The following DHRS9 variants were observed in gnomAD, a reference collection of about 807,000 sequenced individuals.
DHRS9 encodes the protein dehydrogenase/reductase 9.
Under a neutral mutation model 26.6 loss-of-function variants are expected in DHRS9, and 18 were observed. The ratio of observed to expected loss-of-function variants is 0.68; its 90% confidence interval spans 0.47 to 1.00. The LOEUF is 1.00. DHRS9 is among the 50% of genes least tolerant of loss of function. The probability of loss-of-function intolerance (pLI) is 0.00; values close to 1 mark genes in which losing one functional copy is unlikely to be tolerated. For synonymous variants in DHRS9, 134 were observed against 141.1 expected, an observed-to-expected ratio of 0.95 and a Z score of 0.36; for missense variants, 425 against 378.7, an observed-to-expected ratio of 1.12 and a Z score of -1.01.
At chr2:169,071,648 C>T (rs1296178178) in intron 1 of DHRS9, among the ~76,000 whole-genome samples, 2 of 152,092 alleles carry the variant, frequency 1.3e-5, no homozygotes, top group Non-Finnish European at 2.9e-5. Context: ...GGATTACCTC[C>T]TGCCCTCAGG....
chr2:169,085,666 A>G (rs1684328147), intron 3 of DHRS9, among the ~76,000 whole-genome samples: 2 of 152,120 alleles, frequency 1.3e-5, no homozygotes, highest in Non-Finnish European at 2.9e-5. Flanking sequence ...TGTTGGCAAT[A>G]GAAATCTTTT....
At chr2:169,070,482 C>T in intron 1 of DHRS9, 1 of 985,400 alleles carries the variant, frequency 1.0e-6, no homozygotes, top group Non-Finnish European at 1.2e-6. Context: ...CACTGTTAGA[C>T]CAAGGGCACA....
In DHRS9 at chr2:169,081,811, T is replaced by G. The variant is rs771042484; in HGVS notation, c.230T>G (p.Leu77Arg). 1.2e-6 allele frequency: 2 copies of G among 1,614,110 alleles called. No individual in the cohort carries two copies. Among genetic ancestry groups the G allele is most frequent in the Non-Finnish European group, 1.7e-6 (2 of 1,180,014 alleles). Residue 77 changes from leucine (L) to arginine (R), a missense_variant, in exon 2 of 5, where the codon CTT becomes CGT. Physicochemically the swap from Leu to Arg is moderately radical, Grantham distance 102. Coordinates refer to ENST00000674881, the MANE Select transcript of DHRS9 (RefSeq NM_001376924.1). ...TALKAETSER[L>R]RTVLLDVTDP... ...TTAAAGGCAGAAACCTCAGAGAGACTTCGTACTGTGCTTCTGGATGTGACC... is the reference window on the plus strand; with the variant it reads ...TTAAAGGCAGAAACCTCAGAGAGACGTCGTACTGTGCTTCTGGATGTGACC...
intron 3 of DHRS9, among the ~76,000 whole-genome samples, chr2:169,083,849 A>G (rs997488179): frequency 7.2e-5 from 11 of 152,086 alleles, no homozygotes; most frequent in Non-Finnish European, 1.5e-4. Flanking sequence ...AAAAAATCCA[A>G]TTATACTCTT....
intron 4 of DHRS9, among the ~76,000 whole-genome samples, chr2:169,093,964 T>C (rs1380566797): frequency 6.6e-6 from 1 of 152,244 alleles, no homozygotes; most frequent in Non-Finnish European, 1.5e-5. Context: ...TAAAAGTATG[T>C]GAGAATCATA....
At chr2:169,086,031 C>T (rs1321057572) in intron 3 of DHRS9, among the ~76,000 whole-genome samples, 4 of 152,092 alleles carry the variant, frequency 2.6e-5, no homozygotes, top group Admixed American at 2.6e-4. Context: ...ATATTGGTGT[C>T]TTCCTCTAGG....
chr2:169,083,437 T>C lies in DHRS9; in HGVS notation c.422T>C (p.Leu141Pro), dbSNP rs537481272. 6.2e-7 allele frequency: 1 copy of C among 1,614,108 alleles called. No homozygotes were observed. Among genetic ancestry groups the C allele is most frequent in the African/African-American group, 1.3e-5 (1 of 75,008 alleles). Residue 141 changes from leucine (L) to proline (P), a missense_variant, in exon 3 of 5, where the codon CTC becomes CCC. Physicochemically the swap from Leu to Pro is moderately conservative, Grantham distance 98 (BLOSUM62 -3). Coordinates refer to ENST00000674881, the MANE Select transcript of DHRS9 (RefSeq NM_001376924.1). ...CCTATTGAAGTGAACCTGTTTGGAC[T>C]CATCAGTGTGACACTAAATATGCTT... ...REPIEVNLFG[L>P]ISVTLNMLPL... is the part of the protein sequence containing the mutation.
chr2:169,067,217 T>C (rs1049297732), upstream of DHRS9: 4 of 1,535,292 alleles, frequency 2.6e-6, no homozygotes, highest in African/African-American at 5.5e-5. Flanking sequence ...CTTACAAGAG[T>C]GACACTGGAT....
intron 1 of DHRS9, among the ~76,000 whole-genome samples, chr2:169,071,730 C>G (rs1683810223): frequency 6.6e-6 from 1 of 152,142 alleles, no homozygotes; most frequent in African/African-American, 2.4e-5. Context: ...AGGGAACTTA[C>G]CCTCCCACGA....
intron 1 of DHRS9, among the ~76,000 whole-genome samples, chr2:169,074,920 A>G (rs935413487): frequency 6.6e-6 from 1 of 152,196 alleles, no homozygotes; most frequent in African/African-American, 2.4e-5. Flanking sequence ...CATTCTTAAC[A>G]GCAAAATTTC....
chr2:169,068,532 G>A (rs1388293137), upstream of DHRS9, among the ~76,000 whole-genome samples: 1 of 152,084 alleles, frequency 6.6e-6, no homozygotes, highest in Non-Finnish European at 1.5e-5. Context: ...CACGATGTTG[G>A]CCAGGCTAGT....
chr2:169,093,096 G>C (rs1156735256), intron 4 of DHRS9, among the ~76,000 whole-genome samples: 1 of 152,152 alleles, frequency 6.6e-6, no homozygotes, highest in Non-Finnish European at 1.5e-5. Context: ...AAGTTTACTT[G>C]ATATTCCTCA....
chr2:169,070,433 A>C lies in DHRS9; in HGVS notation c.-60+716A>C, dbSNP rs1683764535. 6.1e-6 allele frequency: 6 copies of C among 985,442 alleles called. No individual in the cohort carries two copies. The African/African-American group carries it at 1.0e-4, about 17-fold the overall frequency. 61.0% of individuals were successfully genotyped at this position (985,442 alleles called of 1,614,324 possible). On this transcript the variant is annotated intron_variant, in intron 1 of 4. Coordinates refer to ENST00000674881, the MANE Select transcript of DHRS9 (RefSeq NM_001376924.1). ...TAAATACATTTTAAAATCAACAATC[A>C]AGTTAGAGTTGTACAAATGGCTCTG...
rs200691133 is a variant in DHRS9, at chr2:169,078,815, C to CTTTTTTT, written c.-59-2688_-59-2682dup. Among the ~76,000 whole-genome samples, 70 of 110,348 alleles carry CTTTTTTT rather than the reference C, an allele frequency of 6.3e-4. 8 individuals are homozygous for CTTTTTTT. Among genetic ancestry groups the CTTTTTTT allele is most frequent in the African/African-American group, 2.1e-3 (56 of 26,648 alleles). The allele number at this position is 110,348 out of a possible 152,430, so 72.4% of individuals were successfully genotyped here. On this transcript the variant is annotated intron_variant, in intron 1 of 4. Transcript: ENST00000674881. Reference sequence around the variant, plus strand: ...CTCTGACTTAATTTTTATCAACTGACTTTTTTTTTTTTTTTTTTTTTTTTT... The same window carrying CTTTTTTT: ...CTCTGACTTAATTTTTATCAACTGACTTTTTTTTTTTTTTTTTTTTTTTTTTTTTTTT...
rs530904447 is a variant in DHRS9, at chr2:169,075,767, C to A, written c.-59-5756C>A. Among the ~76,000 whole-genome samples the A allele has an allele frequency of 3.3e-5, 5 of 152,198 alleles. No homozygotes were observed. The South Asian group carries it at 1.0e-3, about 32-fold the overall frequency. On this transcript the variant is annotated intron_variant, in intron 1 of 4. Transcript: ENST00000674881. ...AAGCACTGGAAGATGTTTCCCCATG[C>A]ATAATTAGCTTTGGATGCTCCACAG...
rs200691133 is a variant in DHRS9 at position 169,078,815 on chromosome 2, C to CTTTTTTTTTTTTTTTTTTTTTTTTTTTT, written c.-59-2682_-59-2681insTTTTTTTTTTTTTTTTTTTTTTTTTTTT. On this transcript the variant is annotated intron_variant, in intron 1 of 4. Transcript: ENST00000674881. Reference sequence around the variant, plus strand: ...CTCTGACTTAATTTTTATCAACTGACTTTTTTTTTTTTTTTTTTTTTTTTT... The same window carrying CTTTTTTTTTTTTTTTTTTTTTTTTTTTT: ...CTCTGACTTAATTTTTATCAACTGACTTTTTTTTTTTTTTTTTTTTTTTTTTTTTTTTTTTTTTTTTTTTTTTTTTTTT... 2.1e-4 allele frequency among the ~76,000 whole-genome samples: 23 copies of CTTTTTTTTTTTTTTTTTTTTTTTTTTTT among 110,360 alleles called. 2 individuals are homozygous for CTTTTTTTTTTTTTTTTTTTTTTTTTTTT. Among genetic ancestry groups the CTTTTTTTTTTTTTTTTTTTTTTTTTTTT allele is most frequent in the Non-Finnish European group, 2.9e-4 (16 of 55,170 alleles). The allele number at this position is 110,360 out of a possible 152,430, so 72.4% of individuals were successfully genotyped here. A position where few individuals can be genotyped will look rare whatever the true frequency, so the allele number is the denominator to read the frequency against.
In DHRS9 at chr2:169,083,379, A is replaced by C. The variant is rs770528035; in HGVS notation, c.364A>C (p.Thr122Pro). ...TGGTGTTCCCGGCGTGCTGGCTCCC[A>C]CTGACTGGCTGACACTAGAGGACTA... ...NAGVPGVLAP[T>P]DWLTLEDYRE... is the part of the protein sequence containing the mutation. Residue 122 changes from threonine (T) to proline (P), a missense_variant, in exon 3 of 5, where the codon ACT (threonine) becomes CCT (proline). Transcript: ENST00000674881. 2 of 1,614,116 alleles carry C rather than the reference A, an allele frequency of 1.2e-6. No individual in the cohort carries two copies. Among genetic ancestry groups the C allele is most frequent in the South Asian group, 2.2e-5 (2 of 91,080 alleles).
chr2:169,092,879 T>C (rs571657088), intron 4 of DHRS9, among the ~76,000 whole-genome samples: 36 of 152,278 alleles, frequency 2.4e-4, no homozygotes, highest in African/African-American at 8.2e-4. Flanking sequence ...CTTATTATCG[T>C]CTTCATTTTA....
chr2:169,073,892 G>T (rs1170025400), intron 1 of DHRS9, among the ~76,000 whole-genome samples: 2 of 152,092 alleles, frequency 1.3e-5, no homozygotes, highest in African/African-American at 4.8e-5. Context: ...TAGAACAGTG[G>T]TTCTAAACTG....
Sources: gnomAD v4.1 joint callset for allele counts (sites outside exome capture counted in the v4.1 genomes callset) on GRCh38, gnomAD v4.1.1 for gene constraint, MANE v1.5 for transcripts, NCBI Gene and HGNC (gene_info 2026-07-23, HGNC 2026-07-21) for gene names.